KLHL1: variants seen among roughly 807,000 people sequenced by gnomAD.
KLHL1 encodes the protein kelch like family member 1.
A neutral mutation model predicts 77.7 loss-of-function variants in KLHL1; 47 were observed. The ratio of observed to expected loss-of-function variants is 0.60; its 90% CI spans 0.48 to 0.77. The LOEUF is 0.77. KLHL1 is among the 30% of genes least tolerant of loss of function. KLHL1 has a pLI of 0.00. For synonymous variants in KLHL1, 360 were observed against 325.2 expected, an observed-to-expected ratio of 1.11 and a Z score of -1.15; for missense variants, 925 against 910.8, an observed-to-expected ratio of 1.02 and a Z score of -0.20.
chr13:69,893,819 A>C (rs1297307395), intron 4 of KLHL1, among the ~76,000 whole-genome samples: 1 of 152,164 alleles, frequency 6.6e-6, no homozygotes, highest in Non-Finnish European at 1.5e-5. Flanking sequence ...ATAAATATAC[A>C]GTTATTTACT....
intron 3 of KLHL1, among the ~76,000 whole-genome samples, chr13:69,940,632 G>C (rs922103894): frequency 6.6e-6 from 1 of 151,910 alleles, no homozygotes; most frequent in Non-Finnish European, 1.5e-5. Context: ...ATATCTATTT[G>C]TGAATATTTA....
chr13:69,724,231 G>A (rs901599503), intron 8 of KLHL1, among the ~76,000 whole-genome samples: 1 of 152,054 alleles, frequency 6.6e-6, no homozygotes, highest in Non-Finnish European at 1.5e-5. Flanking sequence ...TGTAAATTTT[G>A]CATGTAATGG....
At chr13:70,088,960 C>T (rs1021510594) in intron 1 of KLHL1, among the ~76,000 whole-genome samples, 3 of 152,022 alleles carry the variant, frequency 2.0e-5, no homozygotes, top group Admixed American at 6.6e-5. Flanking sequence ...TTTGAAATCA[C>T]GTATTTATTT....
intron 5 of KLHL1, among the ~76,000 whole-genome samples, chr13:69,877,619 A>G (rs1413428190): frequency 2.0e-5 from 3 of 152,160 alleles, no homozygotes; most frequent in Admixed American, 6.5e-5. Context: ...TAAATAGTGT[A>G]ATTCATTCTT....
At chr13:69,823,630 A>G (rs1317955080) in intron 6 of KLHL1, among the ~76,000 whole-genome samples, 1 of 152,104 alleles carries the variant, frequency 6.6e-6, no homozygotes, top group Non-Finnish European at 1.5e-5. Context: ...AAAATAAAAT[A>G]CTTTGTTTTC....
intron 1 of KLHL1, among the ~76,000 whole-genome samples, chr13:70,033,767 G>A (rs565698576): frequency 2.6e-5 from 4 of 151,454 alleles, no homozygotes; most frequent in South Asian, 2.1e-4. Context: ...TTACAGGCAC[G>A]CACCACCACA....
intron 7 of KLHL1, among the ~76,000 whole-genome samples, chr13:69,748,406 G>A (rs1428872726): frequency 6.6e-6 from 1 of 151,968 alleles, no homozygotes; most frequent in African/African-American, 2.4e-5. Context: ...GAGAAAATTA[G>A]GAAAATGCAA....
chr13:70,001,601 A>ATCTC (rs1456361926), intron 1 of KLHL1, among the ~76,000 whole-genome samples: 1 of 151,100 alleles, frequency 6.6e-6, no homozygotes, highest in East Asian at 1.9e-4. Flanking sequence ...CTATCTATCT[A>ATCTC]TCTATCTATC....
chr13:69,915,194 T>C (rs1882383321), intron 4 of KLHL1, among the ~76,000 whole-genome samples: 1 of 152,102 alleles, frequency 6.6e-6, no homozygotes, highest in Non-Finnish European at 1.5e-5. Flanking sequence ...TTCAATGCCA[T>C]CCCCATCAAG....
chr13:69,759,186 T>C lies in KLHL1; in HGVS notation c.1640-18630A>G, dbSNP rs371694980. On this transcript the variant is annotated intron_variant, in intron 7 of 10. Coordinates refer to ENST00000377844, the MANE Select transcript of KLHL1 (RefSeq NM_020866.3). Reference sequence around the variant, plus strand: ...TGACCAAGGCACAGAGTACATGTTCTCAAGCCTCACCATGGCCACCTGTCC... The same window carrying C: ...TGACCAAGGCACAGAGTACATGTTCCCAAGCCTCACCATGGCCACCTGTCC... Among the ~76,000 whole-genome samples the C allele has an allele frequency of 2.0e-5, 3 of 152,240 alleles. No homozygotes were observed. In the South Asian group the frequency reaches 6.2e-4, roughly 32 times the overall value.
intron 4 of KLHL1, among the ~76,000 whole-genome samples, chr13:69,936,618 T>C (rs1010221541): frequency 1.5e-4 from 22 of 148,652 alleles, no homozygotes; most frequent in Admixed American, 2.0e-4. Flanking sequence ...AAAATGAAGA[T>C]TGAACATGCT....
intron 1 of KLHL1, among the ~76,000 whole-genome samples, chr13:70,106,963 G>A (rs778494921): frequency 7.9e-5 from 12 of 152,198 alleles, no homozygotes; most frequent in South Asian, 2.1e-4. Flanking sequence ...ATGCATGTAA[G>A]TTCAATTGGT....
intron 1 of KLHL1, among the ~76,000 whole-genome samples, chr13:69,978,311 C>T (rs1182199728): frequency 6.6e-6 from 1 of 151,274 alleles, no homozygotes; most frequent in African/African-American, 2.4e-5. Flanking sequence ...AAAAGGAAAC[C>T]CTGATGCTTC....
intron 1 of KLHL1, among the ~76,000 whole-genome samples, chr13:70,015,869 C>T (rs1406325549): frequency 6.6e-6 from 1 of 152,058 alleles, no homozygotes; most frequent in South Asian, 2.1e-4. Context: ...ATAATATTAC[C>T]ATAACATAAC....
chr13:69,737,410 A>G (rs577690893), intron 8 of KLHL1, among the ~76,000 whole-genome samples: 3 of 152,338 alleles, frequency 2.0e-5, no homozygotes, highest in South Asian at 2.1e-4. Context: ...CTCCCACGGA[A>G]CCCCACAAGC....
chr13:70,069,595 AG>A (rs1566549258), intron 1 of KLHL1, among the ~76,000 whole-genome samples: 1 of 152,228 alleles, frequency 6.6e-6, no homozygotes. Flanking sequence ...AACATGCAAT[AG>A]CAGATGGATA....
intron 7 of KLHL1, among the ~76,000 whole-genome samples, chr13:69,766,737 C>A (rs111396501): frequency 2.0e-5 from 3 of 152,102 alleles, no homozygotes; most frequent in African/African-American, 7.2e-5. Flanking sequence ...GGATTAGATT[C>A]TCTTAATGAT....
At chr13:69,702,106 C>T (rs73210440) in intron 10 of KLHL1, among the ~76,000 whole-genome samples, 2,707 of 151,654 alleles carry the variant, frequency 0.018, 43 homozygotes, top group Middle Eastern at 0.044. Context: ...ATAGTGATAG[C>T]TTGGAGTATA....
chr13:69,732,962 C>CTT (rs1452459906), intron 8 of KLHL1, among the ~76,000 whole-genome samples: 1 of 152,070 alleles, frequency 6.6e-6, no homozygotes. Context: ...TTAACCATGT[C>CTT]TTTTAGTTCT....
Sources: allele counts gnomAD v4.1 joint callset (sites outside exome capture counted in the v4.1 genomes callset), GRCh38; gene constraint gnomAD v4.1.1; transcripts MANE v1.5; gene names NCBI Gene and HGNC (gene_info 2026-07-23, HGNC 2026-07-21).